Variants in SGCD observed in about 807,000 individuals in gnomAD.
The protein encoded by SGCD is sarcoglycan delta, also known as delta-sarcoglycan.
In SGCD, 18 loss-of-function variants were observed where a neutral mutation model predicts 36.6. The ratio of observed to expected loss-of-function variants is 0.49; its 90% CI spans 0.34 to 0.73. SGCD has a LOEUF of 0.73. Among genes scored for constraint, SGCD ranks in the 30% least tolerant of loss-of-function variants. The pLI is 0.01. For synonymous variants in SGCD, 133 were observed against 130.6 expected (o/e 1.02, Z -0.12); for missense variants, 387 against 346.7 (o/e 1.12, Z -0.92).
At chr5:155,813,215 C>T in the SGCD span, among the ~76,000 whole-genome samples, 1 of 151,696 alleles carries the variant, frequency 6.6e-6, no homozygotes, top group Non-Finnish European at 1.5e-5. Context: ...ATGTAGCAAG[C>T]TTAGAATTTT....
chr5:156,754,261 T>C (rs1757258361), intron 7 of SGCD, among the ~76,000 whole-genome samples: 1 of 152,234 alleles, frequency 6.6e-6, no homozygotes, highest in Non-Finnish European at 1.5e-5. Context: ...TAAAGCTCTG[T>C]AAGCTCCATA....
At chr5:156,129,097 A>T in intron 3 of SGCD, among the ~76,000 whole-genome samples, 1 of 152,178 alleles carries the variant, frequency 6.6e-6, no homozygotes, top group East Asian at 1.9e-4. Flanking sequence ...TTCTAGGGTG[A>T]TGGAAATGTT....
the SGCD span, among the ~76,000 whole-genome samples, chr5:155,808,455 C>T: frequency 3.3e-5 from 5 of 152,140 alleles, no homozygotes; most frequent in Non-Finnish European, 5.9e-5. Flanking sequence ...ACAGAGACAC[C>T]AGCTCTCTCT....
chr5:155,739,174 C>T, the SGCD span, among the ~76,000 whole-genome samples: 1 of 152,014 alleles, frequency 6.6e-6, no homozygotes, highest in Non-Finnish European at 1.5e-5. Flanking sequence ...GATAATGGTC[C>T]CTGCCCTTGA....
At chr5:155,884,512 T>C (rs1003144311) in intron 1 of SGCD, among the ~76,000 whole-genome samples, 2 of 152,224 alleles carry the variant, frequency 1.3e-5, no homozygotes, top group African/African-American at 4.8e-5. Context: ...AGAGCTGCTG[T>C]AATTGTACCA....
chr5:156,448,542 G>T (rs1753846779), intron 3 of SGCD, among the ~76,000 whole-genome samples: 1 of 152,022 alleles, frequency 6.6e-6, no homozygotes, highest in Non-Finnish European at 1.5e-5. Context: ...AAGCTGGAAG[G>T]ACTGGTTTAA....
At chr5:155,742,586 G>A in the SGCD span, among the ~76,000 whole-genome samples, 304 of 152,312 alleles carry the variant, frequency 2.0e-3, 3 homozygotes, top group African/African-American at 6.7e-3. Flanking sequence ...TTCCTTCCAC[G>A]TTCAGACGTT....
intron 3 of SGCD, among the ~76,000 whole-genome samples, chr5:156,446,204 A>G (rs1054943642): frequency 1.3e-5 from 2 of 152,194 alleles, no homozygotes; most frequent in Non-Finnish European, 2.9e-5. Context: ...ACTTTTGTCA[A>G]AAGAAGGCAT....
chr5:155,951,197 A>G (rs1393523263), intron 1 of SGCD, among the ~76,000 whole-genome samples: 1 of 152,188 alleles, frequency 6.6e-6, no homozygotes, highest in Non-Finnish European at 1.5e-5. Flanking sequence ...TAGCAAGATC[A>G]AAATATCTGC....
intron 3 of SGCD, among the ~76,000 whole-genome samples, chr5:156,487,276 A>G (rs931385389): frequency 9.2e-5 from 14 of 152,170 alleles, no homozygotes; most frequent in African/African-American, 3.4e-4. Flanking sequence ...TCATATAGAG[A>G]TCACACTACT....
At chr5:156,385,379 C>T (rs1388814377) in intron 3 of SGCD, among the ~76,000 whole-genome samples, 2 of 152,156 alleles carry the variant, frequency 1.3e-5, no homozygotes, top group South Asian at 2.1e-4. Context: ...ATTTTTTATG[C>T]TTTTTAAGTA....
chr5:155,924,654 T>C (rs1034816159), intron 1 of SGCD, among the ~76,000 whole-genome samples: 4 of 152,214 alleles, frequency 2.6e-5, no homozygotes, highest in Admixed American at 6.5e-5. Flanking sequence ...TCTGTGCTAA[T>C]TGAGAATCGG....
intron 7 of SGCD, among the ~76,000 whole-genome samples, chr5:156,668,932 T>G (rs1753173400): frequency 6.6e-6 from 1 of 152,070 alleles, no homozygotes; most frequent in Non-Finnish European, 1.5e-5. Flanking sequence ...AATTGCAAGG[T>G]GGTCCCATAC....
upstream of SGCD, among the ~76,000 whole-genome samples, chr5:156,325,113 T>C (rs556179363): frequency 2.0e-5 from 3 of 152,294 alleles, no homozygotes; most frequent in African/African-American, 7.2e-5. Flanking sequence ...GTTTTTCTTT[T>C]CTGTGAGTTA....
At chr5:156,271,008 T>G (rs1766161341) in intron 3 of SGCD, among the ~76,000 whole-genome samples, 1 of 152,192 alleles carries the variant, frequency 6.6e-6, no homozygotes, top group South Asian at 2.1e-4. Flanking sequence ...AACTTAAAGA[T>G]GTCTCTTCCA....
chr5:155,740,641 G>A, the SGCD span, among the ~76,000 whole-genome samples: 2 of 152,092 alleles, frequency 1.3e-5, no homozygotes, highest in Non-Finnish European at 2.9e-5. Context: ...TTACAAATTG[G>A]TCTTGAGCAG....
chr5:156,402,085 T>C (rs963230643), intron 3 of SGCD, among the ~76,000 whole-genome samples: 6 of 152,228 alleles, frequency 3.9e-5, no homozygotes, highest in African/African-American at 1.4e-4. Flanking sequence ...CGTGTTGTAG[T>C]ATGTATCAAA....
At chr5:155,787,780 A>T in the SGCD span, among the ~76,000 whole-genome samples, 1 of 152,122 alleles carries the variant, frequency 6.6e-6, no homozygotes. Flanking sequence ...ACTTCCTTTT[A>T]AAAATAAAGA....
the SGCD span, among the ~76,000 whole-genome samples, chr5:155,832,554 G>C: frequency 4.6e-5 from 7 of 152,094 alleles, no homozygotes; most frequent in Admixed American, 6.5e-5. Flanking sequence ...CCCATCTTTA[G>C]GACTGAGTTA....
Sources: gnomAD v4.1 joint callset for allele counts (sites outside exome capture counted in the v4.1 genomes callset) on GRCh38, gnomAD v4.1.1 for gene constraint, MANE v1.5 for transcripts, NCBI Gene and HGNC (gene_info 2026-07-23, HGNC 2026-07-21) for gene names.